SDK2: variants seen among roughly 807,000 people sequenced by gnomAD.
SDK2 encodes sidekick cell adhesion molecule 2.
Under a neutral mutation model 253.9 loss-of-function variants are expected in SDK2, and 105 were observed. The ratio of observed to expected loss-of-function variants is 0.41; its 90% CI spans 0.35 to 0.49. SDK2 has a LOEUF of 0.49. Among genes scored for constraint, SDK2 ranks in the 20% least tolerant of loss-of-function variants. SDK2 has a pLI of 0.06. For missense variants in SDK2, 2,608 were observed against 3,003.0 expected, an observed-to-expected ratio of 0.87 and a Z score of 3.07; for synonymous variants, 1,249 against 1,234.9, an observed-to-expected ratio of 1.01 and a Z score of -0.24.
In SDK2 at chr17:73,337,098, C is replaced by G. The variant is rs1045571886; in HGVS notation, c.*1489G>C. 4 of 151,414 alleles carry G rather than the reference C, an allele frequency of 2.6e-5. No individual in the cohort carries two copies. The highest frequency in any genetic ancestry group is 9.7e-5 in the African/African-American group (4 of 41,064). The allele number at this position is 151,414 out of a possible 1,614,324, so 9.4% of individuals were successfully genotyped here. On this transcript the variant is annotated 3_prime_UTR_variant, in exon 45 of 45. Transcript: ENST00000392650. ...GTGTGTGTGTAAAAGCATTCCCTCC[C>G]ATCAGCTATTCTTGTCACTTGGTCC...
At chr17:73,577,788 A>G (rs1396769063) in intron 1 of SDK2, among the ~76,000 whole-genome samples, 1 of 152,194 alleles carries the variant, frequency 6.6e-6, no homozygotes, top group African/African-American at 2.4e-5. Context: ...TGACACCTCC[A>G]TAGAAGTCCA....
intron 3 of SDK2, among the ~76,000 whole-genome samples, chr17:73,466,721 C>CAG (rs374089215): frequency 6.8e-6 from 1 of 146,126 alleles, no homozygotes; most frequent in Non-Finnish European, 1.5e-5. Flanking sequence ...GAACGCCCCC[C>CAG]CCCCCCGGCT....
intron 1 of SDK2, among the ~76,000 whole-genome samples, chr17:73,573,405 C>T (rs148457326): frequency 6.6e-6 from 1 of 152,258 alleles, no homozygotes; most frequent in East Asian, 1.9e-4. Context: ...AGGCCCACAG[C>T]CAGTAGATAG....
intron 29 of SDK2, among the ~76,000 whole-genome samples, chr17:73,388,243 G>T (rs1391341416): frequency 5.9e-5 from 9 of 152,132 alleles, no homozygotes; most frequent in Non-Finnish European, 2.9e-5. Flanking sequence ...CCACCCTCAG[G>T]CTCCTAGAGC....
Position 73,511,129 on chromosome 17 carries a change from A to AT in SDK2, c.65-3533dup, listed in dbSNP as rs1008628850. Among the ~76,000 whole-genome samples, 3 of 152,184 alleles carry AT rather than the reference A, an allele frequency of 2.0e-5. No homozygotes were observed. Among genetic ancestry groups the AT allele is most frequent in the African/African-American group, 7.2e-5 (3 of 41,440 alleles). On this transcript the variant is annotated intron_variant, in intron 1 of 44. Coordinates refer to ENST00000392650, the MANE Select transcript of SDK2 (RefSeq NM_001144952.2). This position sits in a 1 kb window ranked among gnomAD's most constrained non-coding sequence, Gnocchi z 4.9. ...GGGCACATTCTTACTTCAAAGGCGC[A>AT]TTCATATTCTCCAGCAGCTTTCAAG...
chr17:73,369,923 C>T (rs1257498814), intron 36 of SDK2, among the ~76,000 whole-genome samples: 1 of 152,184 alleles, frequency 6.6e-6, no homozygotes, highest in Non-Finnish European at 1.5e-5. Context: ...GGGTTACAGG[C>T]GCGAACCACC....
intron 2 of SDK2, among the ~76,000 whole-genome samples, chr17:73,482,013 G>A (rs897229494): frequency 1.3e-5 from 2 of 152,162 alleles, no homozygotes; most frequent in Non-Finnish European, 2.9e-5. Flanking sequence ...GGTGGCTCAC[G>A]CCTGGAATCC....
At chr17:73,587,745 C>T (rs768304352) in intron 1 of SDK2, among the ~76,000 whole-genome samples, 1 of 152,214 alleles carries the variant, frequency 6.6e-6, no homozygotes, top group Non-Finnish European at 1.5e-5. Flanking sequence ...CCCTCAGGCC[C>T]GCTTCTCTGG....
chr17:73,605,497 G>A (rs978700973), intron 1 of SDK2, among the ~76,000 whole-genome samples: 14 of 152,246 alleles, frequency 9.2e-5, no homozygotes, highest in African/African-American at 3.1e-4. Flanking sequence ...GGCAGTTGGG[G>A]CCTTCAGCTA....
In SDK2 at chr17:73,383,858, C is replaced by T. The variant is rs1166082278; in HGVS notation, c.4705+18G>A. The stretch of plus-strand genomic sequence containing the variant: ...GCCCCCATCCCACCCATTCCTCTGG[C>T]TCCCAAGTGTCACTCACAGGTAAGC... On this transcript the variant is annotated intron_variant, in intron 33 of 44. Coordinates refer to ENST00000392650, the MANE Select transcript of SDK2 (RefSeq NM_001144952.2). This position sits in a 1 kb window ranked among gnomAD's most constrained non-coding sequence, Gnocchi z 4.3. 2.5e-6 allele frequency: 4 copies of T among 1,613,644 alleles called. No individual in the cohort carries two copies. The highest frequency in any genetic ancestry group is 8.5e-7 in the Non-Finnish European group (1 of 1,179,616).
intron 2 of SDK2, among the ~76,000 whole-genome samples, chr17:73,485,489 G>C (rs2063764204): frequency 6.6e-6 from 1 of 152,144 alleles, no homozygotes; most frequent in Non-Finnish European, 1.5e-5. Context: ...AGGCCTTATG[G>C]GCTGGGCTGA....
intron 1 of SDK2, among the ~76,000 whole-genome samples, chr17:73,591,815 G>T: frequency 6.6e-6 from 1 of 152,144 alleles, no homozygotes; most frequent in East Asian, 1.9e-4. Context: ...TATCTGTGGG[G>T]TGGGGCAATA....
In SDK2 at chr17:73,386,497, A is replaced by G. The variant is rs1393433900; in HGVS notation, c.4446T>C (p.Ile1482=). 3 of 1,562,692 alleles carry G rather than the reference A, an allele frequency of 1.9e-6. No homozygotes were observed. Among genetic ancestry groups the G allele is most frequent in the Non-Finnish European group, 2.6e-6 (3 of 1,153,352 alleles). Residue 1482 remains isoleucine, a synonymous_variant, in exon 31 of 45, where the codon ATT becomes ATC. Coordinates refer to ENST00000392650, the MANE Select transcript of SDK2 (RefSeq NM_001144952.2). ...ACTCCTCGCTGAACTCGCTGTCGCC[A>G]ATGTCATTGGTCGCCTTCACTCGGA... ...YKFRVKATND[I]GDSEFSEESE...
chr17:73,353,446 G>A (rs930008909), intron 40 of SDK2, among the ~76,000 whole-genome samples: 4 of 152,196 alleles, frequency 2.6e-5, no homozygotes, highest in African/African-American at 4.8e-5. Flanking sequence ...TCGAGACAGA[G>A]TTTCGCTCTT....
chr17:73,518,470 T>A (rs1327109678), intron 1 of SDK2: 1 of 152,234 alleles, frequency 6.6e-6, no homozygotes, highest in African/African-American at 2.4e-5. Flanking sequence ...CTTGGCTTGG[T>A]GCAGCCTCTG....
intron 32 of SDK2, among the ~76,000 whole-genome samples, chr17:73,384,562 C>T (rs531684379): frequency 4.6e-5 from 7 of 152,318 alleles, no homozygotes; most frequent in African/African-American, 1.4e-4. Context: ...GCTGCAGAAC[C>T]GGCTTCGGGA....
chr17:73,494,542 G>A (rs901757257), intron 2 of SDK2, among the ~76,000 whole-genome samples: 3 of 152,194 alleles, frequency 2.0e-5, no homozygotes, highest in African/African-American at 7.2e-5. Flanking sequence ...AGCCAGTCAC[G>A]GTTTGAGAGA....
At chr17:73,342,619 AG>A (rs1233451371) in intron 44 of SDK2, among the ~76,000 whole-genome samples, 4 of 152,190 alleles carry the variant, frequency 2.6e-5, no homozygotes, top group African/African-American at 9.7e-5. Context: ...CATCAGCTCC[AG>A]GGGTTCTAGA....
rs9302966 is a variant in SDK2 at position 73,534,554 on chromosome 17, T to C, written c.65-26957A>G. On this transcript the variant is annotated intron_variant, in intron 1 of 44. Coordinates refer to ENST00000392650, the MANE Select transcript of SDK2 (RefSeq NM_001144952.2). This position sits in a 1 kb window ranked among gnomAD's most constrained non-coding sequence, Gnocchi z 4.9. The stretch of plus-strand genomic sequence containing the variant: ...GAAGTAAAGTCACAAAAGGGAGGGA[T>C]GGGAAGATGCACAGAGGCAGAGCGC... Among the ~76,000 whole-genome samples the C allele has an allele frequency of 0.74, 111,733 of 152,008 alleles. 41,318 individuals carry two copies. The highest frequency in any genetic ancestry group is 0.77 in the Middle Eastern group (226 of 294).
Sources: allele counts gnomAD v4.1 joint callset (sites outside exome capture counted in the v4.1 genomes callset), GRCh38; gene constraint gnomAD v4.1.1; non-coding constraint Gnocchi (gnomAD v3.1); transcripts MANE v1.5; gene names NCBI Gene and HGNC (gene_info 2026-07-23, HGNC 2026-07-21).